The following SREK1IP1 variants were observed in gnomAD, a reference collection of about 807,000 sequenced individuals.
SREK1IP1 encodes protein SREK1IP1.
In SREK1IP1, 12 loss-of-function variants were observed where a neutral mutation model predicts 22.8. The observed-to-expected ratio is 0.53, with a 90% CI of 0.34 to 0.85. The LOEUF is 0.85. Ranked by LOEUF, SREK1IP1 falls within the 40% of genes least tolerant of loss-of-function variation. The probability of loss-of-function intolerance (pLI) is 0.02; values close to 1 mark genes in which losing one functional copy is unlikely to be tolerated. For missense variants in SREK1IP1, 147 were observed against 171.8 expected (o/e 0.86, Z 0.81); for synonymous variants, 53 against 52.7 (o/e 1.01, Z -0.02).
At chr5:64,730,602 T>C (rs938930305) in intron 3 of SREK1IP1, among the ~76,000 whole-genome samples, 4 of 152,054 alleles carry the variant, frequency 2.6e-5, no homozygotes, top group African/African-American at 7.3e-5. Flanking sequence ...GATATATATA[T>C]ATGCAAATTT....
intron 1 of SREK1IP1, among the ~76,000 whole-genome samples, chr5:64,756,447 A>G (rs1423949809): frequency 2.6e-5 from 4 of 152,174 alleles, no homozygotes; most frequent in Non-Finnish European, 5.9e-5. Context: ...TATTTTACTT[A>G]GCAGAATGTT....
At chr5:64,731,538 A>AG (rs2112089634) in intron 3 of SREK1IP1, among the ~76,000 whole-genome samples, 1 of 151,094 alleles carries the variant, frequency 6.6e-6, no homozygotes, top group East Asian at 1.9e-4. Flanking sequence ...AAAAAAAAAA[A>AG]GAGGACAGGA....
At chr5:64,733,935 G>A (rs1158186902) in intron 3 of SREK1IP1, among the ~76,000 whole-genome samples, 1 of 152,062 alleles carries the variant, frequency 6.6e-6, no homozygotes, top group African/African-American at 2.4e-5. Context: ...AAAATAGAGA[G>A]CAAAGTTTTG....
intron 3 of SREK1IP1, among the ~76,000 whole-genome samples, chr5:64,736,038 C>T (rs906956403): frequency 3.9e-5 from 6 of 151,946 alleles, no homozygotes; most frequent in Non-Finnish European, 8.8e-5. Flanking sequence ...GGAGGCATAC[C>T]ACAAATGTGT....
intron 3 of SREK1IP1, among the ~76,000 whole-genome samples, chr5:64,738,532 A>G (rs1171742989): frequency 7.4e-6 from 1 of 134,260 alleles, no homozygotes; most frequent in African/African-American, 2.8e-5. Context: ...CAGCCAAAGC[A>G]ATCTTAAGAA....
intron 1 of SREK1IP1, among the ~76,000 whole-genome samples, chr5:64,766,964 G>C (rs1168966423): frequency 3.3e-5 from 5 of 152,112 alleles, no homozygotes; most frequent in Non-Finnish European, 5.9e-5. Flanking sequence ...CCTCCCATTT[G>C]TATTTGAGTT....
intron 2 of SREK1IP1, among the ~76,000 whole-genome samples, chr5:64,747,885 A>C (rs1355229693): frequency 3.9e-5 from 6 of 152,054 alleles, no homozygotes; most frequent in African/African-American, 1.4e-4. Context: ...GTGAGCCGAG[A>C]TGGCGCCACT....
chr5:64,730,507 A>G (rs1742358680), intron 3 of SREK1IP1, among the ~76,000 whole-genome samples: 1 of 152,216 alleles, frequency 6.6e-6, no homozygotes. Flanking sequence ...CTTGAAGAAA[A>G]GAATTCATAG....
intron 2 of SREK1IP1, among the ~76,000 whole-genome samples, chr5:64,747,677 C>T (rs1406876151): frequency 4.0e-5 from 6 of 151,260 alleles, no homozygotes; most frequent in Non-Finnish European, 8.8e-5. Context: ...GCCTGTAATC[C>T]CAGCACTTTG....
intron 4 of SREK1IP1, among the ~76,000 whole-genome samples, chr5:64,727,454 CAT>C (rs10649215): frequency 0.33 from 46,677 of 140,730 alleles, 7,930 homozygotes; most frequent in East Asian, 0.51. Context: ...CATCAGCCAC[CAT>C]ATATATATAT....
intron 3 of SREK1IP1, among the ~76,000 whole-genome samples, chr5:64,731,521 C>CAAAAAAAAAAAAAAAAA (rs10599290): frequency 4.0e-5 from 3 of 74,682 alleles, no homozygotes; most frequent in East Asian, 8.6e-4. Context: ...GCCCTTGTCT[C>CAAAAAAAAAAAAAAAAA]AAAAAAAAAA....
chr5:64,745,616 C>A (rs1014220226), intron 2 of SREK1IP1, among the ~76,000 whole-genome samples: 1 of 151,768 alleles, frequency 6.6e-6, no homozygotes, highest in Non-Finnish European at 1.5e-5. Flanking sequence ...GATGCTCAAT[C>A]TTTACAGTAC....
At chr5:64,739,434 T>G (rs1359127107) in intron 3 of SREK1IP1, among the ~76,000 whole-genome samples, 1 of 152,092 alleles carries the variant, frequency 6.6e-6, no homozygotes, top group Non-Finnish European at 1.5e-5. Context: ...TCGTGGAGAC[T>G]TCAAACCAAT....
intron 2 of SREK1IP1, among the ~76,000 whole-genome samples, chr5:64,748,424 A>G (rs1358255858): frequency 6.6e-6 from 1 of 152,232 alleles, no homozygotes; most frequent in Non-Finnish European, 1.5e-5. Flanking sequence ...CAACATTGTG[A>G]ATGTATTTAC....
chr5:64,728,003 AG>A (rs1742304271), intron 4 of SREK1IP1, 103 bp downstream of exon 4: 1 of 1,003,824 alleles, frequency 1.0e-6, no homozygotes. Context: ...TAGTTGTTGA[AG>A]AAAAAATATT....
At chr5:64,757,587 C>T (rs886491148) in intron 1 of SREK1IP1, among the ~76,000 whole-genome samples, 5 of 152,174 alleles carry the variant, frequency 3.3e-5, no homozygotes, top group African/African-American at 1.2e-4. Context: ...ACAAAATACA[C>T]AAGCACATAC....
chr5:64,725,739 G>A (rs1742250870), intron 4 of SREK1IP1, among the ~76,000 whole-genome samples: 1 of 151,244 alleles, frequency 6.6e-6, no homozygotes, highest in Non-Finnish European at 1.5e-5. Flanking sequence ...CTCAAATCTT[G>A]TCTATTTTCC....
At chr5:64,747,016 C>T (rs1320108659) in intron 2 of SREK1IP1, among the ~76,000 whole-genome samples, 2 of 152,104 alleles carry the variant, frequency 1.3e-5, no homozygotes, top group African/African-American at 2.4e-5. Context: ...TCAGAACAGC[C>T]AAATGGAGGA....
chr5:64,752,492 C>T lies in SREK1IP1; in HGVS notation c.61+1823G>A, dbSNP rs539113161. Among the ~76,000 whole-genome samples, 4 of 152,006 alleles carry T rather than the reference C, an allele frequency of 2.6e-5. No individual in the cohort carries two copies. The South Asian group carries it at 8.3e-4, about 32-fold the overall frequency. On this transcript the variant is annotated intron_variant, in intron 2 of 4. Transcript: ENST00000513458. ...GTTAATTTTGCTAAGGAAATTCTGC[C>T]ACAGAAAGAGAGACCCATGTTATTT...
Sources: allele counts gnomAD v4.1 joint callset (sites outside exome capture counted in the v4.1 genomes callset), GRCh38; gene constraint gnomAD v4.1.1; transcripts MANE v1.5; gene names NCBI Gene and HGNC (gene_info 2026-07-23, HGNC 2026-07-21).